KSR2: variants seen among roughly 807,000 people sequenced by gnomAD.
The protein encoded by KSR2 is kinase suppressor of ras 2.
A neutral mutation model predicts 107.8 loss-of-function variants in KSR2; 25 were observed. The observed-to-expected ratio is 0.23, with a 90% CI of 0.17 to 0.32. KSR2 has a LOEUF of 0.32. Ranked by LOEUF, KSR2 falls within the 10% of genes least tolerant of loss-of-function variation. The pLI, the probability that KSR2 is intolerant of heterozygous loss-of-function variation, is 1.00. For synonymous variants in KSR2, 480 were observed against 507.0 expected (o/e 0.95, Z 0.71); for missense variants, 887 against 1,268.9 (o/e 0.70, Z 4.57).
In KSR2 at chr12:117,830,397, C is replaced by T. The variant is rs182496278; in HGVS notation, c.472+25031G>A. Among the ~76,000 whole-genome samples the T allele has an allele frequency of 4.9e-3, 753 of 152,178 alleles. 5 individuals are homozygous for T. The highest frequency in any genetic ancestry group is 0.017 in the African/African-American group (716 of 41,528). On this transcript the variant is annotated intron_variant, in intron 3 of 19. Transcript: ENST00000339824. ...AAGCTCTGAAAAACAAACTATTAAG[C>T]GCTACGCTCACTACCTGGGTGATGG... is the stretch of plus-strand genomic sequence containing the variant.
At chr12:117,713,974 C>A (rs932414404) in intron 4 of KSR2, among the ~76,000 whole-genome samples, 2 of 152,052 alleles carry the variant, frequency 1.3e-5, no homozygotes, top group Non-Finnish European at 2.9e-5. Context: ...GCTAATTATT[C>A]CCCCAAATTA....
Position 117,550,486 on chromosome 12 carries a change from GC to G in KSR2, c.1518+4682del, listed in dbSNP as rs149987300. ...ACACACTTGTCTTATGACCTCCATA[GC>G]CCACTCCCAACACAGGATCATAGGC... is the stretch of plus-strand genomic sequence containing the variant. On this transcript the variant is annotated intron_variant, in intron 9 of 19. Transcript: ENST00000339824. Among the ~76,000 whole-genome samples, 76 of 152,268 alleles carry G rather than the reference GC, an allele frequency of 5.0e-4. No individual in the cohort carries two copies. In the East Asian group the frequency reaches 0.012, roughly 24 times the overall value.
At position 117,687,140 on chromosome 12, in the gene KSR2, T is replaced by C. The variant is rs117871131; in HGVS notation, c.987-19482A>G. Among the ~76,000 whole-genome samples, 308 of 152,348 alleles carry C rather than the reference T, an allele frequency of 2.0e-3. 5 individuals are homozygous for C. The East Asian group carries it at 0.022, about 11-fold the overall frequency. ...TCTTTTCCAAGCTTCCAGCACGACC[T>C]TGGGCAGGTCAGAATCTGTGTGGTT... On this transcript the variant is annotated intron_variant, in intron 4 of 19. Transcript: ENST00000339824.
At chr12:117,881,300 G>A (rs984335536) in intron 1 of KSR2, among the ~76,000 whole-genome samples, 1 of 152,118 alleles carries the variant, frequency 6.6e-6, no homozygotes, top group Non-Finnish European at 1.5e-5. Flanking sequence ...TGTTTGTTTT[G>A]GTTTGTTTGA....
At chr12:117,808,100 G>C (rs966234809) in intron 3 of KSR2, among the ~76,000 whole-genome samples, 1 of 152,188 alleles carries the variant, frequency 6.6e-6, no homozygotes, top group African/African-American at 2.4e-5. Flanking sequence ...TTCCTTGGAG[G>C]AAGGAAAGGA....
At chr12:117,914,557 G>A (rs943934507) in intron 1 of KSR2, among the ~76,000 whole-genome samples, 7 of 152,060 alleles carry the variant, frequency 4.6e-5, no homozygotes, top group Non-Finnish European at 7.4e-5. Flanking sequence ...TTTATTTTAC[G>A]AGACAGGATC....
rs539041974 is a variant in KSR2 at position 117,918,657 on chromosome 12, G to A, written c.180+49419C>T. Among the ~76,000 whole-genome samples the A allele has an allele frequency of 9.6e-4, 146 of 151,722 alleles. 1 individual carries two copies. In the Middle Eastern group the frequency reaches 0.01, roughly 11 times the overall value. On this transcript the variant is annotated intron_variant, in intron 1 of 19. Coordinates refer to ENST00000339824, the MANE Select transcript of KSR2 (RefSeq NM_173598.6). ...TACAAAACTATCCGGGCGTGGTGGCGCATGCCCGTAATCCCAGCTACTCGG... is the reference window on the plus strand; with the variant it reads ...TACAAAACTATCCGGGCGTGGTGGCACATGCCCGTAATCCCAGCTACTCGG...
rs61048682 is a variant in KSR2 at position 117,564,941 on chromosome 12, C to T, written c.1326-6368G>A. 6.2e-3 allele frequency among the ~76,000 whole-genome samples: 949 copies of T among 152,354 alleles called. 10 individuals are homozygous for T. Among genetic ancestry groups the T allele is most frequent in the African/African-American group, 0.022 (926 of 41,584 alleles). On this transcript the variant is annotated intron_variant, in intron 7 of 19. Coordinates refer to ENST00000339824, the MANE Select transcript of KSR2 (RefSeq NM_173598.6). The stretch of plus-strand genomic sequence containing the variant: ...TTTGTGAAATGCAATGATGCCCCCT[C>T]TGCATTTCCTTCTTTCTTCCCTCCC...
chr12:117,526,221 CG>C (rs1565884184), intron 13 of KSR2, among the ~76,000 whole-genome samples: 1 of 152,216 alleles, frequency 6.6e-6, no homozygotes, highest in Non-Finnish European at 1.5e-5. Context: ...CGTACTTCGG[CG>C]TAACTACCAC....
intron 3 of KSR2, among the ~76,000 whole-genome samples, chr12:117,834,174 C>T (rs1373484367): frequency 6.6e-6 from 1 of 151,532 alleles, no homozygotes; most frequent in Non-Finnish European, 1.5e-5. Flanking sequence ...GAACTGGCAT[C>T]ACCCAAGAAT....
Position 117,847,139 on chromosome 12 carries a change from C to T in KSR2, c.472+8289G>A, listed in dbSNP as rs555170465. On this transcript the variant is annotated intron_variant, in intron 3 of 19. Transcript: ENST00000339824. ...ACATCAGTGTCAACACCAGAACATACGAGACCCTGTGGGCTCCGGGAGGAG... is the reference window on the plus strand; with the variant it reads ...ACATCAGTGTCAACACCAGAACATATGAGACCCTGTGGGCTCCGGGAGGAG... Among the ~76,000 whole-genome samples the T allele has an allele frequency of 2.6e-5, 4 of 152,328 alleles. No homozygotes were observed. In the East Asian group the frequency reaches 5.8e-4, roughly 22 times the overall value.
At chr12:117,491,785 G>A (rs1021259620) in intron 14 of KSR2, among the ~76,000 whole-genome samples, 2 of 152,148 alleles carry the variant, frequency 1.3e-5, no homozygotes, top group East Asian at 1.9e-4. Flanking sequence ...TTGAATGCAG[G>A]CCACCTGGAT....
At chr12:117,578,363 G>A (rs1022031643) in intron 7 of KSR2, among the ~76,000 whole-genome samples, 2 of 152,102 alleles carry the variant, frequency 1.3e-5, no homozygotes, top group African/African-American at 4.8e-5. Context: ...GGAGCCTGAC[G>A]GGGGAGGATC....
At chr12:117,890,083 T>C (rs968340666) in intron 1 of KSR2, among the ~76,000 whole-genome samples, 3 of 152,124 alleles carry the variant, frequency 2.0e-5, no homozygotes, top group Admixed American at 2.0e-4. Flanking sequence ...CCATCCAACT[T>C]TGCGTTTCTA....
chr12:117,536,005 G>T (rs1490184546), intron 10 of KSR2, among the ~76,000 whole-genome samples: 1 of 152,126 alleles, frequency 6.6e-6, no homozygotes, highest in Non-Finnish European at 1.5e-5. Context: ...GCTGATAACA[G>T]GAGGTCCACC....
At chr12:117,878,654 G>A (rs564512366) in intron 1 of KSR2, among the ~76,000 whole-genome samples, 7 of 152,184 alleles carry the variant, frequency 4.6e-5, no homozygotes, top group East Asian at 3.9e-4. Context: ...TAAGCAATGC[G>A]TTGCCTTATT....
At chr12:117,784,583 C>T (rs938313094) in intron 3 of KSR2, among the ~76,000 whole-genome samples, 2 of 152,176 alleles carry the variant, frequency 1.3e-5, no homozygotes, top group African/African-American at 2.4e-5. Flanking sequence ...ATCTAGTGGT[C>T]CCCAGTGTCT....
At chr12:117,649,282 G>A (rs533729601) in intron 5 of KSR2, among the ~76,000 whole-genome samples, 3 of 152,168 alleles carry the variant, frequency 2.0e-5, no homozygotes, top group Non-Finnish European at 4.4e-5. Flanking sequence ...TGAGGTCAGG[G>A]ACTGTAACGT....
chr12:117,606,437 C>CTCCTCTCCTTCCTTCCTCCA, intron 5 of KSR2, among the ~76,000 whole-genome samples: 2 of 70,040 alleles, frequency 2.9e-5, no homozygotes, highest in Non-Finnish European at 5.5e-5. Flanking sequence ...TCCTCCCTCC[C>CTCCTCTCCTTCCTTCCTCCA]TCCCCTCCTT....
Sources: gnomAD v4.1 joint callset for allele counts (sites outside exome capture counted in the v4.1 genomes callset) on GRCh38, gnomAD v4.1.1 for gene constraint, MANE v1.5 for transcripts, NCBI Gene and HGNC (gene_info 2026-07-23, HGNC 2026-07-21) for gene names.